The following GPAT3 variants were observed in gnomAD, a reference collection of about 807,000 sequenced individuals.
GPAT3 encodes the protein 1-AGP acyltransferase 9.
In GPAT3, 53 loss-of-function variants were observed where a neutral mutation model predicts 58.8. The observed-to-expected ratio is 0.90, with a 90% confidence interval of 0.72 to 1.13. The LOEUF is 1.13. Among genes scored for constraint, GPAT3 ranks in the 50% most tolerant of loss-of-function variants. The pLI, the probability that GPAT3 is intolerant of heterozygous loss-of-function variation, is 0.00. For missense variants in GPAT3, 511 were observed against 527.6 expected (o/e 0.97, Z 0.31); for synonymous variants, 197 against 187.4 (o/e 1.05, Z -0.42).
intron 4 of GPAT3, 134 bp from the exon 5 acceptor site, chr4:83,588,076 A>G: frequency 1.5e-6 from 1 of 672,606 alleles, no homozygotes; most frequent in Non-Finnish European, 2.5e-6. Flanking sequence ...CTATAAGACT[A>G]TAAGAATTGA....
chr4:83,579,081 C>CTTT lies in GPAT3; in HGVS notation c.209-2481_209-2480insTTT, dbSNP rs1725993896. 7.6e-4 allele frequency among the ~76,000 whole-genome samples: 15 copies of CTTT among 19,636 alleles called. 1 individual carries two copies. Among genetic ancestry groups the CTTT allele is most frequent in the East Asian group, 3.9e-3 (2 of 508 alleles). 12.9% of individuals were successfully genotyped at this position (19,636 alleles called of 152,430 possible). The stretch of plus-strand genomic sequence containing the variant: ...TTCTTTCTTTCTTTCTTTCTTTCTT[C>CTTT]CCTTCCTTCCTTCCTTCCTTCCTTC... On this transcript the variant is annotated intron_variant, in intron 2 of 11. Coordinates refer to ENST00000264409, the MANE Select transcript of GPAT3 (RefSeq NM_032717.5).
intron 2 of GPAT3, among the ~76,000 whole-genome samples, chr4:83,547,321 C>T (rs577214523): frequency 1.6e-4 from 22 of 138,296 alleles, no homozygotes; most frequent in African/African-American, 5.3e-4. Context: ...GGCGGGATCT[C>T]GGCTCACTGC....
intron 2 of GPAT3, among the ~76,000 whole-genome samples, chr4:83,556,146 G>T (rs1312967328): frequency 6.6e-6 from 1 of 152,190 alleles, no homozygotes; most frequent in African/African-American, 2.4e-5. Flanking sequence ...TCATTTGACA[G>T]TGGAGTTTTA....
Position 83,581,888 on chromosome 4 carries a change from T to C in GPAT3, c.479+56T>C, listed in dbSNP as rs560994633. On this transcript the variant is annotated intron_variant, in intron 3 of 11. Coordinates refer to ENST00000264409, the MANE Select transcript of GPAT3 (RefSeq NM_032717.5). ...CGCTTGACTCAGCTTTCTTTTTGAATCATGTACATAATGGCCACGTAAGTG... is the reference window on the plus strand; with the variant it reads ...CGCTTGACTCAGCTTTCTTTTTGAACCATGTACATAATGGCCACGTAAGTG... 1.1e-5 allele frequency: 17 copies of C among 1,554,748 alleles called. No individual in the cohort carries two copies. The African/African-American group carries it at 2.0e-4, about 19-fold the overall frequency.
intron 5 of GPAT3, 149 bp downstream of exon 5, chr4:83,588,448 G>A: frequency 1.5e-6 from 1 of 663,678 alleles, no homozygotes; most frequent in Non-Finnish European, 2.6e-6. Context: ...GCACAGGCAT[G>A]ATGCACAAAA....
At chr4:83,592,604 C>G (rs1726645398) in intron 6 of GPAT3, among the ~76,000 whole-genome samples, 1 of 152,184 alleles carries the variant, frequency 6.6e-6, no homozygotes, top group Non-Finnish European at 1.5e-5. Context: ...CACTCAGTGA[C>G]TTTTCTAGTC....
rs1726141828 is a variant in GPAT3 at position 83,581,775 on chromosome 4, T to A, written c.422T>A (p.Leu141His). 6.2e-7 allele frequency: 1 copy of A among 1,614,042 alleles called. No individual in the cohort carries two copies. The highest frequency in any genetic ancestry group is 1.7e-5 in the Admixed American group (1 of 59,988). The change falls in exon 3 of 12, where the codon CTC becomes CAC. Residue 141 changes from leucine (L) to histidine (H), a missense_variant. Leu to His is a moderately conservative substitution (Grantham distance 99, BLOSUM62 -3). Transcript: ENST00000264409. ...AATTTCCAGTACATCAGTCTGCGGC[T>A]CACTATGGTGTGGGTGCTGGGCGTC... ...NVNFQYISLRLTMVWVLGVIV... is the reference protein window; with the variant it reads ...NVNFQYISLRHTMVWVLGVIV...
Position 83,598,734 on chromosome 4 carries a change from T to C in GPAT3, c.1205+11T>C. 1.1e-6 allele frequency: 1 copy of C among 882,580 alleles called. No individual in the cohort carries two copies. Among genetic ancestry groups the C allele is most frequent in the Non-Finnish European group, 1.7e-6 (1 of 586,382 alleles). The allele number at this position is 882,580 out of a possible 1,614,324, so 54.7% of individuals were successfully genotyped here. On this transcript the variant is annotated intron_variant, in intron 11 of 11. Coordinates refer to ENST00000264409, the MANE Select transcript of GPAT3 (RefSeq NM_032717.5). ...GACTGAACTTCCCTGGTAAGAGAAC[T>C]TTCAGAAGTACTATCACTTTTTTTT...
intron 2 of GPAT3, among the ~76,000 whole-genome samples, chr4:83,570,097 TG>T (rs1206771784): frequency 6.6e-6 from 1 of 152,188 alleles, no homozygotes; most frequent in Non-Finnish European, 1.5e-5. Context: ...GATTCGTCAG[TG>T]GGCAGGTATT....
chr4:83,544,970 C>T (rs1724453232), intron 2 of GPAT3, among the ~76,000 whole-genome samples: 1 of 151,880 alleles, frequency 6.6e-6, no homozygotes, highest in Admixed American at 6.6e-5. Context: ...CGTTAACCAA[C>T]TTGTGATTCT....
chr4:83,547,292 A>C (rs543680732), intron 2 of GPAT3, among the ~76,000 whole-genome samples: 5 of 119,284 alleles, frequency 4.2e-5, no homozygotes, highest in African/African-American at 3.4e-5. Context: ...TTGCTCTGTC[A>C]CCCAGGCTGG....
In GPAT3 at chr4:83,598,622, ATTT is replaced by A. The variant is rs71668661; in HGVS notation, c.1126-10_1126-8del. 59 of 1,418,220 alleles carry A rather than the reference ATTT, an allele frequency of 4.2e-5. No homozygotes were observed. Among genetic ancestry groups the A allele is most frequent in the South Asian group, 1.1e-4 (9 of 79,074 alleles). 87.9% of individuals were successfully genotyped at this position (1,418,220 alleles called of 1,614,324 possible). On this transcript the variant is annotated intron_variant, in intron 10 of 11. Coordinates refer to ENST00000264409, the MANE Select transcript of GPAT3 (RefSeq NM_032717.5). ...ACTCGATAACTAAGATATTCTTGCA[ATTT>A]TTTTTTTTTTTAAACCAGGAAGGAG...
At chr4:83,588,907 T>C (rs1344251083) in intron 5 of GPAT3, among the ~76,000 whole-genome samples, 1 of 152,246 alleles carries the variant, frequency 6.6e-6, no homozygotes, top group Non-Finnish European at 1.5e-5. Context: ...GCATTTGAAC[T>C]ACTTTTCTAT....
At chr4:83,568,162 T>TA (rs1444206362) in intron 2 of GPAT3, among the ~76,000 whole-genome samples, 6 of 151,352 alleles carry the variant, frequency 4.0e-5, no homozygotes, top group East Asian at 1.9e-4. Flanking sequence ...TGTTTCACAT[T>TA]AAAAAAAAAT....
intron 2 of GPAT3, among the ~76,000 whole-genome samples, chr4:83,578,933 C>CT (rs1300929525): frequency 0.11 from 902 of 7,950 alleles, 35 homozygotes; most frequent in South Asian, 0.34. Context: ...TTCTTTCTTT[C>CT]TTTCTTTTCT....
At chr4:83,590,121 C>T (rs1726540501) in intron 5 of GPAT3, 78 bp from the exon 6 acceptor site, 6 of 1,343,984 alleles carry the variant, frequency 4.5e-6, no homozygotes, top group African/African-American at 1.5e-5. Flanking sequence ...CACACACACA[C>T]TTAAAAAAGT....
intron 2 of GPAT3, among the ~76,000 whole-genome samples, 180 bp from the exon 3 acceptor site, chr4:83,581,382 A>G (rs182169725): frequency 6.6e-6 from 1 of 152,132 alleles, no homozygotes; most frequent in Non-Finnish European, 1.5e-5. Context: ...ATGCAGACAC[A>G]GTGATTTCAC....
intron 1 of GPAT3, among the ~76,000 whole-genome samples, chr4:83,537,979 C>T (rs954272848): frequency 6.6e-6 from 1 of 152,078 alleles, no homozygotes. Flanking sequence ...TAAAAGGTAT[C>T]AAGCACCTTA....
chr4:83,603,402 G>A (rs920187420), intron 11 of GPAT3, among the ~76,000 whole-genome samples: 1 of 152,224 alleles, frequency 6.6e-6, no homozygotes, highest in Non-Finnish European at 1.5e-5. Context: ...GGCACTTCTG[G>A]TTGAATGCAA....
Sources: gnomAD v4.1 joint callset for allele counts (sites outside exome capture counted in the v4.1 genomes callset) on GRCh38, gnomAD v4.1.1 for gene constraint, MANE v1.5 for transcripts, NCBI Gene and HGNC (gene_info 2026-07-23, HGNC 2026-07-21) for gene names.